The following UHRF2 variants were observed in gnomAD, a reference collection of about 807,000 sequenced individuals.
UHRF2 encodes the protein ubiquitin like with PHD and ring finger domains 2, also known as E3 ubiquitin-protein ligase UHRF2.
A neutral mutation model predicts 96.8 loss-of-function variants in UHRF2; 23 were observed. The observed-to-expected ratio is 0.24, with a 90% CI of 0.17 to 0.34. The LOEUF is 0.34. UHRF2 is among the 10% of genes least tolerant of loss of function. The probability of loss-of-function intolerance (pLI) is 1.00; values close to 1 mark genes in which losing one functional copy is unlikely to be tolerated. For synonymous variants in UHRF2, 385 were observed against 332.6 expected, an observed-to-expected ratio of 1.16 and a Z score of -1.72; for missense variants, 685 against 981.5, an observed-to-expected ratio of 0.70 and a Z score of 4.04.
intron 3 of UHRF2, among the ~76,000 whole-genome samples, chr9:6,449,943 A>G (rs577250508): frequency 3.9e-5 from 6 of 152,112 alleles, no homozygotes; most frequent in African/African-American, 1.4e-4. Flanking sequence ...TCCTCTGGTC[A>G]CCTCATGTGC....
chr9:6,445,981 C>CTTTTTTTTTTTTTTTTTTTTTTTTTTT (rs57147850), intron 3 of UHRF2, among the ~76,000 whole-genome samples: 1 of 78,906 alleles, frequency 1.3e-5, no homozygotes, highest in African/African-American at 5.2e-5. Context: ...CCCCGCCACC[C>CTTTTTTTTTTTTTTTTTTTTTTTTTTT]TTTTTTTTTT....
At position 6,426,868 on chromosome 9, in the gene UHRF2, T is replaced by C. The variant is rs1820288833; in HGVS notation, c.384+5726T>C. On this transcript the variant is annotated intron_variant, in intron 2 of 15. Transcript: ENST00000276893. ...GGTTCAAGCGATTCTACTGCTTCAG[T>C]CTCTTGAGTAGTTGGGATTACAGGC... Among the ~76,000 whole-genome samples, 3 of 152,182 alleles carry C rather than the reference T, an allele frequency of 2.0e-5. No homozygotes were observed. The South Asian group carries it at 6.2e-4, about 32-fold the overall frequency.
intron 8 of UHRF2, among the ~76,000 whole-genome samples, chr9:6,483,296 G>C (rs994934702): frequency 1.4e-5 from 2 of 140,172 alleles, no homozygotes; most frequent in African/African-American, 2.7e-5. Flanking sequence ...CTGCACTCCA[G>C]CCTGGGTGAC....
intron 1 of UHRF2, among the ~76,000 whole-genome samples, chr9:6,420,262 G>T (rs1196714145): frequency 1.3e-5 from 2 of 151,646 alleles, no homozygotes; most frequent in African/African-American, 4.8e-5. Context: ...TCACCATGTT[G>T]GTCAGCCTGG....
At chr9:6,451,480 T>G (rs896290599) in intron 3 of UHRF2, among the ~76,000 whole-genome samples, 2 of 131,812 alleles carry the variant, frequency 1.5e-5, no homozygotes, top group African/African-American at 5.4e-5. Context: ...TTTTTTTTTG[T>G]TTGTTTGTTT....
intron 10 of UHRF2, chr9:6,495,214 T>C (rs900750455): frequency 1.3e-5 from 2 of 152,178 alleles, no homozygotes; most frequent in African/African-American, 4.8e-5. Context: ...TTTCACACTT[T>C]TGGACAATCT....
chr9:6,467,128 A>C (rs575110369), intron 4 of UHRF2, among the ~76,000 whole-genome samples: 1 of 152,342 alleles, frequency 6.6e-6, no homozygotes, highest in African/African-American at 2.4e-5. Flanking sequence ...CTAGGCAAAA[A>C]TCATTGTTAG....
chr9:6,455,715 T>C (rs955739996), intron 3 of UHRF2, among the ~76,000 whole-genome samples: 3 of 152,190 alleles, frequency 2.0e-5, no homozygotes, highest in Non-Finnish European at 4.4e-5. Flanking sequence ...CTCAGCATGA[T>C]TGCTTATGCC....
At chr9:6,430,437 A>G (rs1237428803) in intron 2 of UHRF2, among the ~76,000 whole-genome samples, 6 of 152,154 alleles carry the variant, frequency 3.9e-5, no homozygotes, top group African/African-American at 1.2e-4. Context: ...TTTTAAAAAT[A>G]ATTGTATATT....
chr9:6,497,142 G>C (rs950002234), intron 10 of UHRF2, 56 bp from the exon 11 acceptor site: 11 of 1,521,664 alleles, frequency 7.2e-6, no homozygotes, highest in African/African-American at 1.4e-5. Context: ...CTAATGACTC[G>C]ATTGTGTACT....
chr9:6,505,651 T>C (rs1816543840), intron 15 of UHRF2, among the ~76,000 whole-genome samples: 1 of 152,220 alleles, frequency 6.6e-6, no homozygotes, highest in Non-Finnish European at 1.5e-5. Context: ...TGGTAAAATA[T>C]AAAATTCATT....
At chr9:6,481,356 G>T (rs1044117898) in intron 6 of UHRF2, among the ~76,000 whole-genome samples, 3 of 152,152 alleles carry the variant, frequency 2.0e-5, no homozygotes, top group African/African-American at 7.2e-5. Context: ...CTCAGGGTTA[G>T]TGATAAGTTT....
At chr9:6,444,463 C>T (rs1051111419) in intron 3 of UHRF2, among the ~76,000 whole-genome samples, 4 of 152,182 alleles carry the variant, frequency 2.6e-5, no homozygotes, top group African/African-American at 7.2e-5. Context: ...ATATATCGTC[C>T]CTTTACATTT....
intron 9 of UHRF2, among the ~76,000 whole-genome samples, chr9:6,490,906 C>T (rs768016664): frequency 8.5e-5 from 13 of 152,140 alleles, no homozygotes; most frequent in Non-Finnish European, 1.8e-4. Context: ...GCAAGTATAT[C>T]TATAGGATTA....
At chr9:6,420,530 G>T (rs571765938) in intron 1 of UHRF2, among the ~76,000 whole-genome samples, 1 of 151,422 alleles carries the variant, frequency 6.6e-6, no homozygotes, top group Admixed American at 6.6e-5. Context: ...GTGAAACCCC[G>T]TCTCTACTAA....
chr9:6,460,499 G>C, intron 3 of UHRF2, 74 bp from the exon 4 acceptor site: 1 of 1,289,260 alleles, frequency 7.8e-7, no homozygotes, highest in Non-Finnish European at 1.1e-6. Flanking sequence ...CAGCAAATTA[G>C]GTTTTTCTGT....
intron 3 of UHRF2, among the ~76,000 whole-genome samples, chr9:6,442,597 G>A (rs1029120945): frequency 1.3e-5 from 2 of 151,564 alleles, no homozygotes; most frequent in Admixed American, 6.6e-5. Context: ...TCCTGCCTCC[G>A]CCTCTCATGT....
At chr9:6,429,484 C>T (rs897150905) in intron 2 of UHRF2, among the ~76,000 whole-genome samples, 12 of 152,106 alleles carry the variant, frequency 7.9e-5, no homozygotes, top group African/African-American at 2.4e-4. Context: ...GCGGGATCCA[C>T]GCCTGGCTAG....
At chr9:6,456,576 C>T (rs10975596) in intron 3 of UHRF2, among the ~76,000 whole-genome samples, 13 of 152,266 alleles carry the variant, frequency 8.5e-5, no homozygotes, top group African/African-American at 3.1e-4. Context: ...GTTGCCGTTG[C>T]TTTTGGTGTT....
Sources: gnomAD v4.1 joint callset for allele counts (sites outside exome capture counted in the v4.1 genomes callset) on GRCh38, gnomAD v4.1.1 for gene constraint, MANE v1.5 for transcripts, NCBI Gene and HGNC (gene_info 2026-07-23, HGNC 2026-07-21) for gene names.